RPH3A: variants seen among roughly 807,000 people sequenced by gnomAD.
RPH3A encodes rabphilin 3A.
A neutral mutation model predicts 102.2 loss-of-function variants in RPH3A; 48 were observed. The observed-to-expected ratio is 0.47, with a 90% CI of 0.37 to 0.60. The LOEUF is 0.60. Among genes scored for constraint, RPH3A ranks in the 20% least tolerant of loss-of-function variants. The pLI, the probability that RPH3A is intolerant of heterozygous loss-of-function variation, is 0.00. For synonymous variants in RPH3A, 310 were observed against 324.3 expected (o/e 0.96, Z 0.47); for missense variants, 781 against 910.1 (o/e 0.86, Z 1.83).
chr12:112,883,886 G>GTTTTA (rs2042965424), intron 16 of RPH3A, among the ~76,000 whole-genome samples: 1 of 151,996 alleles, frequency 6.6e-6, no homozygotes. Flanking sequence ...TATTTATCCA[G>GTTTTA]TTTTATTTAT....
At chr12:112,617,931 G>T (rs2039694208) in intron 1 of RPH3A, 1 of 152,166 alleles carries the variant, frequency 6.6e-6, no homozygotes. Context: ...ATCTAAATAA[G>T]GCAGAAGAGT....
intron 6 of RPH3A, among the ~76,000 whole-genome samples, chr12:112,866,403 G>C (rs1389540085): frequency 6.6e-6 from 1 of 152,008 alleles, no homozygotes; most frequent in Admixed American, 6.6e-5. Context: ...GGTTGTCTCA[G>C]GTCCGTTTTG....
intron 5 of RPH3A, among the ~76,000 whole-genome samples, chr12:112,858,023 C>T (rs985631750): frequency 6.6e-6 from 1 of 151,978 alleles, no homozygotes; most frequent in Non-Finnish European, 1.5e-5. Flanking sequence ...AATCCCAGCA[C>T]TTTGGGAGGC....
At chr12:112,629,630 T>C (rs1325123740) in intron 1 of RPH3A, among the ~76,000 whole-genome samples, 1 of 151,754 alleles carries the variant, frequency 6.6e-6, no homozygotes, top group Non-Finnish European at 1.5e-5. Flanking sequence ...GTCCACACTC[T>C]TACACCTGGA....
At chr12:112,677,272 A>G (rs1176363866) in intron 1 of RPH3A, among the ~76,000 whole-genome samples, 1 of 151,976 alleles carries the variant, frequency 6.6e-6, no homozygotes, top group Non-Finnish European at 1.5e-5. Flanking sequence ...AACAAGTACC[A>G]TGGGACCCAG....
At chr12:112,800,386 C>T (rs112545172) in intron 2 of RPH3A, among the ~76,000 whole-genome samples, 6,812 of 152,040 alleles carry the variant, frequency 0.045, 526 homozygotes, top group African/African-American at 0.16. Context: ...GTGAGGGTCA[C>T]GTGATGGGGA....
chr12:112,894,311 G>T lies in RPH3A; in HGVS notation c.1776-267G>T, dbSNP rs372838781. ...GCTGTGTGAGCTAGGGCACACTTCT[G>T]CCTCTCTGGATCTCAGTTTCTGTTT... On this transcript the variant is annotated intron_variant, in intron 19 of 21. Transcript: ENST00000389385. The T allele has an allele frequency of 2.0e-5, 10 of 495,860 alleles. No individual in the cohort carries two copies. In the East Asian group the frequency reaches 3.6e-4, roughly 18 times the overall value. 30.7% of individuals were successfully genotyped at this position (495,860 alleles called of 1,614,324 possible).
chr12:112,897,145 TAC>T lies in RPH3A; in HGVS notation c.*394_*395del, dbSNP rs10563429. 49,512 of 182,748 alleles carry T rather than the reference TAC, an allele frequency of 0.27. 7,316 individuals carry two copies. The highest frequency in any genetic ancestry group is 0.33 in the Admixed American group (5,784 of 17,788). 11.3% of individuals were successfully genotyped at this position (182,748 alleles called of 1,614,324 possible). On this transcript the variant is annotated 3_prime_UTR_variant, in exon 22 of 22. Transcript: ENST00000389385. ...CCTCCTAGCCTTGAACACACACATGTACACACACACACACACACACACACACA... is the reference window on the plus strand; with the variant it reads ...CCTCCTAGCCTTGAACACACACATGTACACACACACACACACACACACACA...
intron 1 of RPH3A, among the ~76,000 whole-genome samples, chr12:112,693,722 A>C (rs2040324364): frequency 6.6e-6 from 1 of 152,010 alleles, no homozygotes; most frequent in Non-Finnish European, 1.5e-5. Context: ...TTCCCTGATC[A>C]CTTTTTCTAG....
At chr12:112,775,545 G>A (rs988928197) in intron 1 of RPH3A, among the ~76,000 whole-genome samples, 5 of 152,144 alleles carry the variant, frequency 3.3e-5, no homozygotes, top group Non-Finnish European at 7.3e-5. Context: ...TTTAGATTAA[G>A]TCACATAAGC....
chr12:112,677,657 A>G (rs1341023283), intron 1 of RPH3A, among the ~76,000 whole-genome samples: 1 of 151,768 alleles, frequency 6.6e-6, no homozygotes, highest in Non-Finnish European at 1.5e-5. Context: ...CCTAAGCCTC[A>G]GTTTCCTCTT....
chr12:112,693,611 C>T (rs886762799), intron 1 of RPH3A, among the ~76,000 whole-genome samples: 3 of 152,152 alleles, frequency 2.0e-5, no homozygotes, highest in Non-Finnish European at 4.4e-5. Context: ...CTTCAAGGTC[C>T]TTTTGTTTAT....
chr12:112,719,710 T>C lies in RPH3A; in HGVS notation c.-139-72433T>C, dbSNP rs535577296. Reference sequence around the variant, plus strand: ...AATGGCATGCAATAAATTAGGGCAGTTGACTAATACATTTTGACTATGGGG... The same window carrying C: ...AATGGCATGCAATAAATTAGGGCAGCTGACTAATACATTTTGACTATGGGG... On this transcript the variant is annotated intron_variant, in intron 1 of 21. Coordinates refer to the RPH3A transcript ENST00000543106. 1.8e-3 allele frequency among the ~76,000 whole-genome samples: 281 copies of C among 152,314 alleles called. 3 individuals are homozygous for C. Among genetic ancestry groups the C allele is most frequent in the African/African-American group, 6.6e-3 (276 of 41,558 alleles).
chr12:112,629,523 C>T (rs1314297005), intron 1 of RPH3A, among the ~76,000 whole-genome samples: 1 of 135,984 alleles, frequency 7.4e-6, no homozygotes, highest in Non-Finnish European at 1.5e-5. Context: ...GGCTGGAGTG[C>T]GGTGGCACAA....
At chr12:112,816,410 A>G (rs1341492594) in intron 2 of RPH3A, among the ~76,000 whole-genome samples, 1 of 152,214 alleles carries the variant, frequency 6.6e-6, no homozygotes, top group Non-Finnish European at 1.5e-5. Context: ...TTTCTCACTC[A>G]TACTACTTGG....
At chr12:112,748,765 G>A (rs930000974) in intron 1 of RPH3A, among the ~76,000 whole-genome samples, 2 of 152,144 alleles carry the variant, frequency 1.3e-5, no homozygotes, top group Non-Finnish European at 2.9e-5. Context: ...CTGAATAAAT[G>A]AATACATGCA....
At chr12:112,769,111 A>G (rs1279426767) in intron 1 of RPH3A, among the ~76,000 whole-genome samples, 1 of 152,216 alleles carries the variant, frequency 6.6e-6, no homozygotes, top group Non-Finnish European at 1.5e-5. Flanking sequence ...TGGCACAGTC[A>G]GTATTCAATA....
intron 2 of RPH3A, among the ~76,000 whole-genome samples, chr12:112,809,247 TG>T (rs2041526424): frequency 6.6e-6 from 1 of 152,168 alleles, no homozygotes; most frequent in South Asian, 2.1e-4. Context: ...GGTATGTCAG[TG>T]GGGAGTTCAT....
chr12:112,640,232 G>A (rs1025625993), intron 1 of RPH3A, among the ~76,000 whole-genome samples: 7 of 149,596 alleles, frequency 4.7e-5, no homozygotes, highest in Non-Finnish European at 1.0e-4. Context: ...GGCTGAGGCA[G>A]GAGGATTGCT....
Sources: allele counts gnomAD v4.1 joint callset (sites outside exome capture counted in the v4.1 genomes callset), GRCh38; gene constraint gnomAD v4.1.1; transcripts MANE v1.5; gene names NCBI Gene and HGNC (gene_info 2026-07-23, HGNC 2026-07-21).